Variants in ZDHHC15 observed in about 807,000 individuals in gnomAD.
ZDHHC15 encodes zDHHC palmitoyltransferase 15.
A neutral mutation model predicts 31.7 loss-of-function variants in ZDHHC15; 19 were observed. That is an observed-to-expected ratio of 0.60 (90% CI 0.42 to 0.88). The LOEUF (loss-of-function observed/expected upper bound fraction) is 0.88. Ranked by LOEUF, ZDHHC15 falls within the 40% of genes least tolerant of loss-of-function variation. The probability of loss-of-function intolerance (pLI) is 0.00; values close to 1 mark genes in which losing one functional copy is unlikely to be tolerated. For synonymous variants in ZDHHC15, 103 were observed against 90.0 expected, an observed-to-expected ratio of 1.14 and a Z score of -0.82; for missense variants, 209 against 251.2, an observed-to-expected ratio of 0.83 and a Z score of 1.14.
At chrX:75,448,185 G>A (rs192800666) in intron 4 of ZDHHC15, among the ~76,000 whole-genome samples, 157 of 112,430 alleles carry the variant, frequency 1.4e-3, no homozygotes, top group African/African-American at 4.9e-3. Context: ...CATGCCCCGT[G>A]ATTAGGTCAA....
intron 3 of ZDHHC15, among the ~76,000 whole-genome samples, chrX:75,471,337 G>A (rs1485471326): frequency 2.7e-5 from 3 of 112,107 alleles, no homozygotes; most frequent in Non-Finnish European, 5.6e-5. Context: ...TATCACACTG[G>A]TCCATTACAT....
chrX:75,434,365 G>C lies in ZDHHC15; in HGVS notation c.380-2845C>G, dbSNP rs189600225. Among the ~76,000 whole-genome samples the C allele has an allele frequency of 2.2e-3, 244 of 111,613 alleles. 1 individual carries two copies. The highest frequency in any genetic ancestry group is 7.9e-3 in the African/African-American group (242 of 30,756). ...AAGTCCCATCAATTTATCTTTGTTG[G>C]TGTTGCATTTGCCTTTGGGTTCTTG... On this transcript the variant is annotated intron_variant, in intron 4 of 11. Transcript: ENST00000373367.
At chrX:75,447,115 G>C (rs1413467942) in intron 4 of ZDHHC15, among the ~76,000 whole-genome samples, 1 of 111,746 alleles carries the variant, frequency 8.9e-6, no homozygotes, top group African/African-American at 3.3e-5. Flanking sequence ...CACCAAGGCT[G>C]ACCTGGCTAC....
At chrX:75,497,933 C>CTTT (rs1229705652) in intron 2 of ZDHHC15, among the ~76,000 whole-genome samples, 2,359 of 87,777 alleles carry the variant, frequency 0.027, 102 homozygotes, top group African/African-American at 0.092. Context: ...AGGATGCCCA[C>CTTT]TTTTTTTTTT....
chrX:75,383,689 G>C, intron 10 of ZDHHC15, among the ~76,000 whole-genome samples: 1 of 102,765 alleles, frequency 9.7e-6, no homozygotes, highest in South Asian at 4.3e-4. Flanking sequence ...AGCTTTCCAC[G>C]TATGTATTTT....
intron 3 of ZDHHC15, among the ~76,000 whole-genome samples, chrX:75,463,880 T>C: frequency 8.9e-6 from 1 of 111,914 alleles, no homozygotes. Context: ...AGTGTGGCCA[T>C]TCCTCAAGGA....
intron 2 of ZDHHC15, among the ~76,000 whole-genome samples, chrX:75,488,882 A>C (rs1030665272): frequency 5.4e-5 from 6 of 111,974 alleles, no homozygotes; most frequent in Non-Finnish European, 9.4e-5. Flanking sequence ...CACCTGGAAA[A>C]TCGGGTCACT....
In ZDHHC15 at chrX:75,516,326, C is replaced by T. The variant is rs796135068; in HGVS notation, c.136+6563G>A. Among the ~76,000 whole-genome samples the T allele has an allele frequency of 1.1e-4, 12 of 112,136 alleles. No homozygotes were observed. The South Asian group carries it at 4.5e-3, about 42-fold the overall frequency. ...AAGCTGGAGGCATCATGCTACCTGA[C>T]TTCAAACTATACTACAAGGCTACAG... On this transcript the variant is annotated intron_variant, in intron 1 of 11. Coordinates refer to ENST00000373367, the MANE Select transcript of ZDHHC15 (RefSeq NM_144969.3).
intron 10 of ZDHHC15, among the ~76,000 whole-genome samples, chrX:75,416,814 A>G (rs2083554327): frequency 8.9e-6 from 1 of 111,784 alleles, no homozygotes; most frequent in South Asian, 3.7e-4. Context: ...ACTACCCAGC[A>G]GGATTGTTTA....
At chrX:75,374,683 G>GTA (rs776896684) in intron 11 of ZDHHC15, among the ~76,000 whole-genome samples, 1,186 of 91,031 alleles carry the variant, frequency 0.013, 8 homozygotes, top group Middle Eastern at 0.021. Flanking sequence ...GTGTGTGTGT[G>GTA]TGTGTATATA....
At chrX:75,491,575 T>C (rs866081361) in intron 2 of ZDHHC15, among the ~76,000 whole-genome samples, 3 of 109,423 alleles carry the variant, frequency 2.7e-5, no homozygotes, top group Non-Finnish European at 5.7e-5. Flanking sequence ...TGTATACATA[T>C]GTAACTAACC....
intron 1 of ZDHHC15, among the ~76,000 whole-genome samples, chrX:75,515,273 G>T (rs1321657539): frequency 5.5e-5 from 6 of 109,399 alleles, no homozygotes; most frequent in African/African-American, 2.0e-4. Flanking sequence ...ACACAACAAA[G>T]AAAAAAAAGA....
intron 3 of ZDHHC15, among the ~76,000 whole-genome samples, chrX:75,464,992 A>T (rs1276455387): frequency 8.9e-6 from 1 of 112,038 alleles, no homozygotes; most frequent in African/African-American, 3.2e-5. Context: ...GGGCATTCAA[A>T]TAGGAATAAA....
chrX:75,483,148 T>C (rs2084720324), intron 2 of ZDHHC15, among the ~76,000 whole-genome samples: 1 of 108,099 alleles, frequency 9.3e-6, no homozygotes, highest in Non-Finnish European at 1.9e-5. Context: ...ATTAATTGGC[T>C]TAAATGTGTG....
intron 1 of ZDHHC15, among the ~76,000 whole-genome samples, chrX:75,519,440 T>G (rs760510747): frequency 6.3e-5 from 7 of 111,731 alleles, no homozygotes; most frequent in African/African-American, 2.3e-4. Flanking sequence ...ATTTGTCATA[T>G]GGATGAACAA....
intron 10 of ZDHHC15, among the ~76,000 whole-genome samples, chrX:75,390,910 T>TA (rs1362036969): frequency 8.9e-6 from 1 of 111,849 alleles, no homozygotes; most frequent in African/African-American, 3.2e-5. Context: ...ACTGAGATAG[T>TA]AGACCTTTCA....
chrX:75,478,784 C>T (rs1012961475), intron 3 of ZDHHC15, 107 bp downstream of exon 3: 5 of 583,576 alleles, frequency 8.6e-6, no homozygotes, highest in African/African-American at 2.3e-5. Context: ...TTTAAGATTA[C>T]CCTGACTCTT....
At chrX:75,373,926 GTTTTTTT>G (rs35704680) in intron 11 of ZDHHC15, among the ~76,000 whole-genome samples, 508 of 50,465 alleles carry the variant, frequency 0.01, 17 homozygotes, top group African/African-American at 0.036. Flanking sequence ...CATTCTTTCT[GTTTTTTT>G]TTTTTTTTTT....
intron 10 of ZDHHC15, among the ~76,000 whole-genome samples, chrX:75,412,509 G>A (rs1490039112): frequency 2.7e-5 from 3 of 110,128 alleles, no homozygotes; most frequent in African/African-American, 9.9e-5. Flanking sequence ...TTGGCTTACT[G>A]CAACCTCCAC....
Sources: allele counts gnomAD v4.1 joint callset (sites outside exome capture counted in the v4.1 genomes callset), GRCh38; gene constraint gnomAD v4.1.1; transcripts MANE v1.5; gene names NCBI Gene and HGNC (gene_info 2026-07-23, HGNC 2026-07-21).